GPC5: variants seen among roughly 807,000 people sequenced by gnomAD.
The protein encoded by GPC5 is glypican 5.
GPC5 carries 47 observed loss-of-function variants against 53.9 expected under a neutral mutation model. That is an observed-to-expected ratio of 0.87 (90% CI 0.69 to 1.11). The LOEUF (loss-of-function observed/expected upper bound fraction) is 1.11. Among genes scored for constraint, GPC5 ranks in the 50% most tolerant of loss-of-function variants. The pLI, the probability that GPC5 is intolerant of heterozygous loss-of-function variation, is 0.00. For missense variants in GPC5, 748 were observed against 713.1 expected (o/e 1.05, Z -0.56); for synonymous variants, 286 against 263.3 (o/e 1.09, Z -0.84).
intron 7 of GPC5, among the ~76,000 whole-genome samples, chr13:92,415,886 G>A (rs1876267376): frequency 1.3e-5 from 2 of 152,068 alleles, no homozygotes; most frequent in Admixed American, 1.3e-4. Flanking sequence ...GTGACATGAG[G>A]GTTTTTGGAG....
At chr13:91,861,494 T>C (rs370351894) in intron 5 of GPC5, among the ~76,000 whole-genome samples, 2 of 152,216 alleles carry the variant, frequency 1.3e-5, no homozygotes, top group South Asian at 4.2e-4. Context: ...CATCCCCTTT[T>C]CCAGTTTACA....
chr13:91,834,595 A>G (rs2038701890), intron 5 of GPC5, among the ~76,000 whole-genome samples: 1 of 152,150 alleles, frequency 6.6e-6, no homozygotes, highest in African/African-American at 2.4e-5. Context: ...AACACCACAC[A>G]TCTACAACCA....
chr13:92,804,572 T>C (rs1877024229), intron 7 of GPC5, among the ~76,000 whole-genome samples: 1 of 152,160 alleles, frequency 6.6e-6, no homozygotes, highest in Non-Finnish European at 1.5e-5. Flanking sequence ...TAGGGAGTCA[T>C]CAACTTGTTG....
chr13:91,816,634 G>T (rs1481106969), intron 5 of GPC5, among the ~76,000 whole-genome samples: 1 of 152,060 alleles, frequency 6.6e-6, no homozygotes, highest in Non-Finnish European at 1.5e-5. Flanking sequence ...AAAAACATCC[G>T]GTGCAGCAGA....
intron 6 of GPC5, among the ~76,000 whole-genome samples, chr13:92,095,183 A>G (rs2041412457): frequency 6.6e-6 from 1 of 152,242 alleles, no homozygotes; most frequent in African/African-American, 2.4e-5. Flanking sequence ...GGCAAGGAAT[A>G]TACATTCACA....
rs1881663408 is a variant in GPC5 at position 92,534,537 on chromosome 13, C to T, written c.1562-331745C>T. Among the ~76,000 whole-genome samples the T allele has an allele frequency of 2.6e-5, 4 of 152,058 alleles. No homozygotes were observed. In the South Asian group the frequency reaches 8.3e-4, roughly 31 times the overall value. On this transcript the variant is annotated intron_variant, in intron 7 of 7. Transcript: ENST00000377067. ...GTATTTCACAGCATTTAATGGAAGGCAGAATCATTACCAGATTTTTTAGGT... is the reference window on the plus strand; with the variant it reads ...GTATTTCACAGCATTTAATGGAAGGTAGAATCATTACCAGATTTTTTAGGT...
chr13:91,612,256 A>G (rs975095727), intron 2 of GPC5, among the ~76,000 whole-genome samples: 2 of 152,198 alleles, frequency 1.3e-5, no homozygotes, highest in Non-Finnish European at 2.9e-5. Flanking sequence ...ATACTTCTGT[A>G]GCCCTCACTA....
At chr13:92,458,406 C>T (rs1878356640) in intron 7 of GPC5, among the ~76,000 whole-genome samples, 3 of 151,996 alleles carry the variant, frequency 2.0e-5, no homozygotes, top group African/African-American at 7.3e-5. Context: ...TTAAGATATT[C>T]TCCTGCCTCA....
At position 91,741,882 on chromosome 13, in the gene GPC5, C is replaced by T. The variant is rs142095100; in HGVS notation, c.1154+13217C>T. On this transcript the variant is annotated intron_variant, in intron 4 of 7. Transcript: ENST00000377067. Reference sequence around the variant, plus strand: ...AAAAATTTAATATCATTTATAGTAGCAGAGAAAGCAGTTTACAATCTATTT... The same window carrying T: ...AAAAATTTAATATCATTTATAGTAGTAGAGAAAGCAGTTTACAATCTATTT... Among the ~76,000 whole-genome samples the T allele has an allele frequency of 2.0e-5, 3 of 152,172 alleles. No individual in the cohort carries two copies. The East Asian group carries it at 5.8e-4, about 29-fold the overall frequency.
In GPC5 at chr13:92,370,999, A is replaced by C. The variant is rs146263281; in HGVS notation, c.1561+226010A>C. On this transcript the variant is annotated intron_variant, in intron 7 of 7. Coordinates refer to ENST00000377067, the MANE Select transcript of GPC5 (RefSeq NM_004466.6). ...CTCCGTCTCTACTAAATATACAAAA[A>C]TTAGCTGGGTGTGGTGTTAGGTGCC... Among the ~76,000 whole-genome samples, 17 of 152,136 alleles carry C rather than the reference A, an allele frequency of 1.1e-4. No homozygotes were observed. In the East Asian group the frequency reaches 2.1e-3, roughly 19 times the overall value.
chr13:92,414,427 C>T (rs1258864658), intron 7 of GPC5, among the ~76,000 whole-genome samples: 1 of 151,528 alleles, frequency 6.6e-6, no homozygotes, highest in Non-Finnish European at 1.5e-5. Flanking sequence ...ATCACTTGAA[C>T]CGGAGAGGTG....
At chr13:91,544,118 A>T (rs1448207004) in intron 2 of GPC5, among the ~76,000 whole-genome samples, 1 of 152,162 alleles carries the variant, frequency 6.6e-6, no homozygotes, top group Non-Finnish European at 1.5e-5. Context: ...GGTTAAAAAA[A>T]AAAGACATTT....
At chr13:92,249,443 G>A (rs575715010) in intron 7 of GPC5, among the ~76,000 whole-genome samples, 9 of 152,114 alleles carry the variant, frequency 5.9e-5, no homozygotes, top group Admixed American at 3.3e-4. Context: ...TCAAAGAGTT[G>A]TCCCTTACAT....
chr13:92,518,658 C>T lies in GPC5; in HGVS notation c.1562-347624C>T, dbSNP rs182134040. On this transcript the variant is annotated intron_variant, in intron 7 of 7. Coordinates refer to ENST00000377067, the MANE Select transcript of GPC5 (RefSeq NM_004466.6). ...AAACATGGAAAGGAACAACCAATAA[C>T]AGCCACTGCAAAAACATGACAAATT... is the stretch of plus-strand genomic sequence containing the variant. Among the ~76,000 whole-genome samples, 405 of 152,332 alleles carry T rather than the reference C, an allele frequency of 2.7e-3. 1 individual carries two copies. The highest frequency in any genetic ancestry group is 9.5e-3 in the African/African-American group (394 of 41,586).
At chr13:92,571,812 G>A (rs1304361028) in intron 7 of GPC5, among the ~76,000 whole-genome samples, 1 of 152,144 alleles carries the variant, frequency 6.6e-6, no homozygotes, top group Non-Finnish European at 1.5e-5. Flanking sequence ...GCGAAGGTGA[G>A]TGGATTGCTT....
rs371557553 is a variant in GPC5, at chr13:91,627,814, T to A, written c.326-65373T>A. Reference sequence around the variant, plus strand: ...CTGTAGCCTTCTGGAGGAAATGATGTAAAACTGTAATAACATATTATGTTC... The same window carrying A: ...CTGTAGCCTTCTGGAGGAAATGATGAAAAACTGTAATAACATATTATGTTC... On this transcript the variant is annotated intron_variant, in intron 2 of 7. Coordinates refer to ENST00000377067, the MANE Select transcript of GPC5 (RefSeq NM_004466.6). Among the ~76,000 whole-genome samples the A allele has an allele frequency of 3.9e-5, 6 of 152,274 alleles. No individual in the cohort carries two copies. The East Asian group carries it at 9.7e-4, about 25-fold the overall frequency.
intron 2 of GPC5, among the ~76,000 whole-genome samples, chr13:91,521,670 T>A (rs150360140): frequency 6.6e-6 from 1 of 152,222 alleles, no homozygotes; most frequent in Admixed American, 6.5e-5. Flanking sequence ...TGCGATGAAA[T>A]GTGTGAGAGT....
intron 2 of GPC5, among the ~76,000 whole-genome samples, chr13:91,521,137 G>A (rs777640053): frequency 3.9e-5 from 6 of 152,128 alleles, no homozygotes; most frequent in Non-Finnish European, 8.8e-5. Context: ...CATTTCACAT[G>A]TACCATGCTG....
intron 7 of GPC5, among the ~76,000 whole-genome samples, chr13:92,580,807 A>G (rs1883345424): frequency 6.6e-6 from 1 of 152,172 alleles, no homozygotes; most frequent in African/African-American, 2.4e-5. Flanking sequence ...ATTCACCTCC[A>G]TGATCCAGTC....
Sources: allele counts gnomAD v4.1 joint callset (sites outside exome capture counted in the v4.1 genomes callset), GRCh38; gene constraint gnomAD v4.1.1; transcripts MANE v1.5; gene names NCBI Gene and HGNC (gene_info 2026-07-23, HGNC 2026-07-21).